Variants in UBE2F observed in about 807,000 individuals in gnomAD.
The protein encoded by UBE2F is ubiquitin conjugating enzyme E2 F (putative), also known as NEDD8-conjugating enzyme UBE2F.
A neutral mutation model predicts 29.6 loss-of-function variants in UBE2F; 5 were observed. The ratio of observed to expected loss-of-function variants is 0.17; its 90% CI spans 0.09 to 0.36. UBE2F has a LOEUF of 0.36. Among genes scored for constraint, UBE2F ranks in the 10% least tolerant of loss-of-function variants. The pLI, the probability that UBE2F is intolerant of heterozygous loss-of-function variation, is 1.00. For synonymous variants in UBE2F, 66 were observed against 81.8 expected (o/e 0.81, Z 1.04); for missense variants, 141 against 228.5 (o/e 0.62, Z 2.47).
intron 3 of UBE2F, among the ~76,000 whole-genome samples, chr2:237,988,508 C>T (rs1387747462): frequency 1.3e-5 from 2 of 150,948 alleles, no homozygotes; most frequent in Admixed American, 6.6e-5. Context: ...CCCAGCTACT[C>T]GGGAGGCTAA....
At chr2:238,010,461 G>A (rs990364096) in intron 4 of UBE2F, among the ~76,000 whole-genome samples, 5 of 152,202 alleles carry the variant, frequency 3.3e-5, no homozygotes, top group Non-Finnish European at 5.9e-5. Context: ...GTGAGCCACC[G>A]TGCCCGGCCC....
At chr2:238,027,085 C>T (rs2064450414) in intron 6 of UBE2F, among the ~76,000 whole-genome samples, 1 of 152,182 alleles carries the variant, frequency 6.6e-6, no homozygotes, top group Non-Finnish European at 1.5e-5. Context: ...ATAGGAAGCT[C>T]TCTTGTCCCT....
At chr2:238,009,660 C>T (rs946739156) in intron 4 of UBE2F, among the ~76,000 whole-genome samples, 1 of 152,186 alleles carries the variant, frequency 6.6e-6, no homozygotes, top group African/African-American at 2.4e-5. Context: ...GCCCTGCATC[C>T]CAGAGTCCTG....
At chr2:237,969,677 T>C (rs1259518122) in intron 1 of UBE2F, among the ~76,000 whole-genome samples, 13 of 152,118 alleles carry the variant, frequency 8.5e-5, no homozygotes, top group Non-Finnish European at 1.9e-4. Flanking sequence ...GGCAGCAGAC[T>C]TGGCTGGGAA....
At chr2:238,034,043 G>C (rs950525125) in intron 8 of UBE2F, among the ~76,000 whole-genome samples, 2 of 152,020 alleles carry the variant, frequency 1.3e-5, no homozygotes, top group Non-Finnish European at 2.9e-5. Context: ...GTCTGTCCCA[G>C]GCTCCTTGGC....
chr2:237,988,067 T>A, intron 3 of UBE2F, 75 bp downstream of exon 3: 1 of 827,572 alleles, frequency 1.2e-6, no homozygotes, highest in South Asian at 2.1e-5. Context: ...TTTAATAACC[T>A]TGTATAGTAA....
At chr2:237,994,676 A>G (rs2063656102) in intron 3 of UBE2F, 68 bp from the exon 4 acceptor site, 2 of 1,313,206 alleles carry the variant, frequency 1.5e-6, no homozygotes, top group Non-Finnish European at 2.2e-6. Flanking sequence ...CACGTGTTCA[A>G]AGGTTAGCGT....
At position 238,032,261 on chromosome 2, in the gene UBE2F, A is replaced by G; in HGVS notation, c.444+7A>G. On this transcript the variant is annotated splice_region_variant and intron_variant, in intron 8 of 9. Transcript: ENST00000272930. ...ATTAAACTCTTTGTTTACTGTAAGT[A>G]CAGTGATCAAAATCCCAAGTTATTC... The G allele has an allele frequency of 6.2e-7, 1 of 1,608,884 alleles. No homozygotes were observed. Among genetic ancestry groups the G allele is most frequent in the South Asian group, 1.1e-5 (1 of 90,764 alleles).
At chr2:238,027,038 C>A (rs2064449094) in intron 6 of UBE2F, among the ~76,000 whole-genome samples, 1 of 152,206 alleles carries the variant, frequency 6.6e-6, no homozygotes. Flanking sequence ...CTCTACTTCC[C>A]TGTCTTGTCC....
intron 4 of UBE2F, 91 bp downstream of exon 4, chr2:237,994,900 A>G: frequency 1.0e-6 from 1 of 953,334 alleles, no homozygotes. Context: ...TTTGTCCTCT[A>G]GCTTTTAAAA....
chr2:238,025,422 T>C lies in UBE2F; in HGVS notation c.353+10T>C. On this transcript the variant is annotated intron_variant, in intron 6 of 9. Transcript: ENST00000272930. ...GGGAAATATGTCTGAGGTGAGTTTATTGTCTTTTCTTTCTTCTACATTCGT... is the reference window on the plus strand; with the variant it reads ...GGGAAATATGTCTGAGGTGAGTTTACTGTCTTTTCTTTCTTCTACATTCGT... 1.2e-6 allele frequency: 2 copies of C among 1,611,250 alleles called. No homozygotes were observed. Among genetic ancestry groups the C allele is most frequent in the African/African-American group, 2.7e-5 (2 of 75,002 alleles).
chr2:238,016,821 C>A (rs964182283), intron 5 of UBE2F, among the ~76,000 whole-genome samples, 188 bp downstream of exon 5: 1 of 3,492 alleles, frequency 2.9e-4, no homozygotes, highest in East Asian at 0.056. Flanking sequence ...TAGAGAATTC[C>A]GTTTATTCAG....
chr2:238,028,712 G>A (rs1488323311), intron 6 of UBE2F, among the ~76,000 whole-genome samples: 2 of 152,132 alleles, frequency 1.3e-5, no homozygotes. Flanking sequence ...AGACAATTAA[G>A]ATTATAGCTT....
chr2:237,967,079 G>C lies in UBE2F; in HGVS notation c.-70G>C, dbSNP rs1268235874. 7 of 1,337,528 alleles carry C rather than the reference G, an allele frequency of 5.2e-6. No individual in the cohort carries two copies. Among genetic ancestry groups the C allele is most frequent in the Non-Finnish European group, 6.7e-6 (7 of 1,042,214 alleles). The allele number at this position is 1,337,528 out of a possible 1,614,324, so 82.9% of individuals were successfully genotyped here. A position where few individuals can be genotyped will look rare whatever the true frequency, so the allele number is the denominator to read the frequency against. On this transcript the variant is annotated 5_prime_UTR_variant, in exon 1 of 10. Coordinates refer to ENST00000272930, the MANE Select transcript of UBE2F (RefSeq NM_080678.3). The surrounding 1 kb of genome is among the most constrained non-coding windows in gnomAD (Gnocchi z 6.3). The stretch of plus-strand genomic sequence containing the variant: ...GGCCGCGTCTCGCAGCAGCCGCCCG[G>C]ACCGGGCATGGTGTTGGGCGCCGGG...
In UBE2F at chr2:237,994,672, TTC is replaced by T. The variant is rs1425293485; in HGVS notation, c.149-71_149-70del. 6 of 1,267,828 alleles carry T rather than the reference TTC, an allele frequency of 4.7e-6. No homozygotes were observed. The African/African-American group carries it at 8.8e-5, about 19-fold the overall frequency. The allele number at this position is 1,267,828 out of a possible 1,614,324, so 78.5% of individuals were successfully genotyped here. On this transcript the variant is annotated intron_variant, in intron 3 of 9. Transcript: ENST00000272930. ...TGTAGCACCGCTAACTTTACACGTG[TTC>T]AAAGGTTAGCGTCAACATATGGACT...
chr2:238,029,500 C>G (rs2064520241), intron 6 of UBE2F, among the ~76,000 whole-genome samples: 1 of 150,728 alleles, frequency 6.6e-6, no homozygotes, highest in African/African-American at 2.4e-5. Flanking sequence ...GAGGCTGAGG[C>G]AGGAGAATGG....
intron 5 of UBE2F, among the ~76,000 whole-genome samples, chr2:238,022,303 G>GAA (rs2064314860): frequency 1.3e-5 from 2 of 152,138 alleles, no homozygotes; most frequent in South Asian, 4.1e-4. Context: ...GTCGGATGCT[G>GAA]AATAGTATTT....
At chr2:238,022,485 C>T (rs779386456) in intron 5 of UBE2F, among the ~76,000 whole-genome samples, 4 of 152,026 alleles carry the variant, frequency 2.6e-5, no homozygotes, top group Admixed American at 1.3e-4. Flanking sequence ...CTTTGTTTTG[C>T]ATTTGCCGTC....
At chr2:238,036,175 G>A (rs6732615) in intron 9 of UBE2F, among the ~76,000 whole-genome samples, 47,686 of 151,914 alleles carry the variant, frequency 0.31, 9,308 homozygotes, top group Admixed American at 0.43. Context: ...TTTTTGTTTT[G>A]TTTTGTTGGT....
Sources: allele counts gnomAD v4.1 joint callset (sites outside exome capture counted in the v4.1 genomes callset), GRCh38; gene constraint gnomAD v4.1.1; non-coding constraint Gnocchi (gnomAD v3.1); transcripts MANE v1.5; gene names NCBI Gene and HGNC (gene_info 2026-07-23, HGNC 2026-07-21).